The following NCKAP5 variants were observed in gnomAD, a reference collection of about 807,000 sequenced individuals.
NCKAP5 encodes nck-associated protein 5.
A neutral mutation model predicts 167.0 loss-of-function variants in NCKAP5; 92 were observed. The ratio of observed to expected loss-of-function variants is 0.55; its 90% confidence interval spans 0.47 to 0.66. The LOEUF (loss-of-function observed/expected upper bound fraction) is 0.66. Ranked by LOEUF, NCKAP5 falls within the 30% of genes least tolerant of loss-of-function variation. The pLI is 0.00. For missense variants in NCKAP5, 2,378 were observed against 2,315.0 expected, an observed-to-expected ratio of 1.03 and a Z score of -0.56; for synonymous variants, 891 against 877.4, an observed-to-expected ratio of 1.02 and a Z score of -0.27.
intron 1 of NCKAP5, among the ~76,000 whole-genome samples, chr2:133,559,904 G>A (rs1451103220): frequency 2.0e-5 from 3 of 152,084 alleles, no homozygotes; most frequent in Non-Finnish European, 2.9e-5. Context: ...GAAACAAAAA[G>A]GCACATTACT....
At chr2:133,340,213 T>C (rs1368225881) in intron 3 of NCKAP5, among the ~76,000 whole-genome samples, 1 of 152,228 alleles carries the variant, frequency 6.6e-6, no homozygotes, top group Admixed American at 6.5e-5. Flanking sequence ...TACCTTGAGC[T>C]GACTAGCAAT....
chr2:133,080,385 T>C (rs543641420), intron 6 of NCKAP5, among the ~76,000 whole-genome samples: 12 of 152,154 alleles, frequency 7.9e-5, no homozygotes, highest in Non-Finnish European at 1.3e-4. Context: ...TAAGGTTAAA[T>C]GGTATACTCG....
intron 7 of NCKAP5, among the ~76,000 whole-genome samples, chr2:132,972,545 G>A (rs2076865547): frequency 1.3e-5 from 2 of 151,912 alleles, no homozygotes; most frequent in Non-Finnish European, 2.9e-5. Context: ...CCACCATGGT[G>A]AAACACCATC....
At chr2:132,882,578 A>G (rs1691848712) in intron 8 of NCKAP5, among the ~76,000 whole-genome samples, 1 of 152,180 alleles carries the variant, frequency 6.6e-6, no homozygotes, top group Non-Finnish European at 1.5e-5. Flanking sequence ...AGTATAAAGT[A>G]AAAATACTGT....
intron 1 of NCKAP5, among the ~76,000 whole-genome samples, chr2:133,562,664 TCAG>T (rs1688246399): frequency 6.6e-6 from 1 of 152,222 alleles, no homozygotes; most frequent in Admixed American, 6.5e-5. Context: ...CCTCTTGAAC[TCAG>T]TCCACTGGGC....
At chr2:133,655,460 C>G in the NCKAP5 span, among the ~76,000 whole-genome samples, 1 of 152,190 alleles carries the variant, frequency 6.6e-6, no homozygotes, top group Admixed American at 6.5e-5. Flanking sequence ...AGAGACTGAA[C>G]TTTCCACCCT....
intron 5 of NCKAP5, among the ~76,000 whole-genome samples, chr2:133,162,965 C>T (rs970596510): frequency 4.6e-5 from 7 of 152,138 alleles, no homozygotes; most frequent in African/African-American, 1.2e-4. Context: ...TAGGATGATG[C>T]TTTCACCTCC....
intron 16 of NCKAP5, among the ~76,000 whole-genome samples, chr2:132,739,797 T>C (rs1691857813): frequency 6.6e-6 from 1 of 152,172 alleles, no homozygotes; most frequent in Non-Finnish European, 1.5e-5. Context: ...TATGCACCAA[T>C]GTACTTGAGG....
intron 8 of NCKAP5, among the ~76,000 whole-genome samples, chr2:132,937,713 G>A (rs7597826): frequency 0.65 from 98,302 of 152,076 alleles, 32,892 homozygotes; most frequent in South Asian, 0.75. Context: ...AAGAACTTTT[G>A]CAAAAATCAA....
intron 7 of NCKAP5, among the ~76,000 whole-genome samples, chr2:132,966,769 G>A (rs550316832): frequency 1.3e-5 from 2 of 152,216 alleles, no homozygotes; most frequent in East Asian, 1.9e-4. Flanking sequence ...AAGCTTATCC[G>A]ACACACATGT....
At chr2:133,189,588 G>A (rs1410731530) in intron 5 of NCKAP5, among the ~76,000 whole-genome samples, 3 of 152,088 alleles carry the variant, frequency 2.0e-5, no homozygotes, top group Admixed American at 6.6e-5. Context: ...TATCCACCAC[G>A]ATCAAGTTGG....
chr2:132,937,030 A>G (rs1028647193), intron 8 of NCKAP5, among the ~76,000 whole-genome samples: 9 of 152,200 alleles, frequency 5.9e-5, no homozygotes, highest in African/African-American at 1.9e-4. Flanking sequence ...TGTCCTATTA[A>G]GCAAAGTCCC....
intron 6 of NCKAP5, among the ~76,000 whole-genome samples, chr2:133,013,884 G>A (rs889580130): frequency 7.9e-5 from 12 of 152,100 alleles, no homozygotes; most frequent in Non-Finnish European, 1.3e-4. Context: ...CAGGATGAAT[G>A]GCCTGGAGCA....
chr2:132,910,898 A>T (rs560291020), intron 8 of NCKAP5, among the ~76,000 whole-genome samples: 1 of 152,216 alleles, frequency 6.6e-6, no homozygotes, highest in East Asian at 1.9e-4. Context: ...GTAACTCAGA[A>T]GTATAATTCT....
chr2:133,464,533 C>G (rs1226652094), intron 3 of NCKAP5, among the ~76,000 whole-genome samples: 1 of 151,924 alleles, frequency 6.6e-6, no homozygotes, highest in African/African-American at 2.4e-5. Context: ...ACTAAAAATA[C>G]AAAAAAATTA....
At chr2:133,600,418 C>A in the NCKAP5 span, among the ~76,000 whole-genome samples, 1 of 152,172 alleles carries the variant, frequency 6.6e-6, no homozygotes, top group African/African-American at 2.4e-5. Flanking sequence ...TCAGTCCTGG[C>A]GCACACTGCA....
intron 8 of NCKAP5, among the ~76,000 whole-genome samples, chr2:132,936,724 C>T (rs1408572526): frequency 6.6e-6 from 1 of 152,158 alleles, no homozygotes; most frequent in Non-Finnish European, 1.5e-5. Flanking sequence ...CACAAATGTG[C>T]TTACAGTAAT....
the NCKAP5 span, among the ~76,000 whole-genome samples, chr2:133,598,410 T>G: frequency 6.6e-6 from 1 of 152,140 alleles, no homozygotes; most frequent in Non-Finnish European, 1.5e-5. Flanking sequence ...TACCTCAAAT[T>G]GAGGAACTGG....
chr2:132,757,426 G>A (rs2104831795), intron 16 of NCKAP5, among the ~76,000 whole-genome samples: 1 of 152,220 alleles, frequency 6.6e-6, no homozygotes, highest in South Asian at 2.1e-4. Context: ...AGATTAACTG[G>A]AAACATACAT....
Sources: gnomAD v4.1 joint callset for allele counts (sites outside exome capture counted in the v4.1 genomes callset) on GRCh38, gnomAD v4.1.1 for gene constraint, MANE v1.5 for transcripts, NCBI Gene and HGNC (gene_info 2026-07-23, HGNC 2026-07-21) for gene names.